CEMIP: variants seen among roughly 807,000 people sequenced by gnomAD.
The protein encoded by CEMIP is cell migration-inducing and hyaluronan-binding protein.
In CEMIP, 105 loss-of-function variants were observed where a neutral mutation model predicts 156.9. That is an observed-to-expected ratio of 0.67 (90% CI 0.57 to 0.79). CEMIP has a LOEUF of 0.79. CEMIP is among the 30% of genes least tolerant of loss of function. The probability of loss-of-function intolerance (pLI) is 0.00; values close to 1 mark genes in which losing one functional copy is unlikely to be tolerated. For missense variants in CEMIP, 1,457 were observed against 1,769.4 expected (o/e 0.82, Z 3.17); for synonymous variants, 676 against 668.4 (o/e 1.01, Z -0.17).
chr15:80,921,883 G>A (rs1237780706), intron 16 of CEMIP, 126 bp from the exon 17 acceptor site: 6 of 1,231,480 alleles, frequency 4.9e-6, no homozygotes, highest in Middle Eastern at 2.7e-4. Context: ...GGTGGGCACC[G>A]AGGGCTCCTG....
chr15:80,909,120 A>G lies in CEMIP; in HGVS notation c.1611A>G (p.Ala537=), dbSNP rs773402234. Residue 537 remains alanine, a synonymous_variant, in exon 14 of 30, where the codon GCA becomes GCG. Coordinates refer to ENST00000394685, the MANE Select transcript of CEMIP (RefSeq NM_001293298.2). The stretch of plus-strand genomic sequence containing the variant: ...AGTTTGCTCTGGGATTTAAGGCAGC[A>G]CACTTGGAGGGCACGGAGCTGAAGC... ...HIKFALGFKA[A]HLEGTELKHM... 4.5e-5 allele frequency: 73 copies of G among 1,613,986 alleles called. No homozygotes were observed. Among genetic ancestry groups the G allele is most frequent in the Non-Finnish European group, 5.8e-5 (69 of 1,180,040 alleles).
At chr15:80,834,316 C>T (rs1398227500) in intron 1 of CEMIP, among the ~76,000 whole-genome samples, 1 of 152,184 alleles carries the variant, frequency 6.6e-6, no homozygotes, top group Admixed American at 6.5e-5. Flanking sequence ...TAGTGTAGTC[C>T]AGTTACCAAT....
chr15:80,854,659 T>C (rs1897802258), intron 1 of CEMIP, among the ~76,000 whole-genome samples: 2 of 152,208 alleles, frequency 1.3e-5, no homozygotes. Context: ...ATTTTGTATA[T>C]GTTATCTCTT....
chr15:80,814,655 A>G (rs956325908), intron 1 of CEMIP, among the ~76,000 whole-genome samples: 1 of 152,178 alleles, frequency 6.6e-6, no homozygotes. Context: ...TTGGACCTCA[A>G]AGGATAGGTA....
intron 1 of CEMIP, among the ~76,000 whole-genome samples, chr15:80,840,249 A>G (rs1393674479): frequency 2.0e-5 from 3 of 152,148 alleles, no homozygotes; most frequent in Admixed American, 1.3e-4. Flanking sequence ...GGAATTCCAC[A>G]CAGAGTAGGA....
intron 1 of CEMIP, among the ~76,000 whole-genome samples, chr15:80,836,729 G>T (rs2141693185): frequency 6.6e-6 from 1 of 151,518 alleles, no homozygotes; most frequent in South Asian, 2.1e-4. Context: ...TGCTTATTAT[G>T]CAGAGAAATT....
At chr15:80,793,433 G>A (rs1896135069) in intron 1 of CEMIP, among the ~76,000 whole-genome samples, 1 of 152,232 alleles carries the variant, frequency 6.6e-6, no homozygotes, top group African/African-American at 2.4e-5. Context: ...GTGAAGGGGA[G>A]TGGTTACCAT....
At position 80,922,157 on chromosome 15, in the gene CEMIP, G is replaced by A. The variant is rs745443843; in HGVS notation, c.2202+20G>A. The A allele has an allele frequency of 6.8e-6, 11 of 1,613,750 alleles. No individual in the cohort carries two copies. Among genetic ancestry groups the A allele is most frequent in the East Asian group, 2.2e-5 (1 of 44,882 alleles). ...TACCGGGTAAGTCTTTCCAGGCTGCGCCTCTCTGGCCAGCCTCTCGGTCCC... is the reference window on the plus strand; with the variant it reads ...TACCGGGTAAGTCTTTCCAGGCTGCACCTCTCTGGCCAGCCTCTCGGTCCC... On this transcript the variant is annotated intron_variant, in intron 17 of 29. Transcript: ENST00000394685.
intron 13 of CEMIP, among the ~76,000 whole-genome samples, chr15:80,908,797 G>A (rs1041465263): frequency 3.3e-5 from 5 of 152,168 alleles, no homozygotes; most frequent in Admixed American, 6.5e-5. Context: ...GATGGTTTGG[G>A]AGACAGGAAA....
chr15:80,823,804 A>T (rs71399427), intron 1 of CEMIP, among the ~76,000 whole-genome samples: 1 of 152,224 alleles, frequency 6.6e-6, no homozygotes, highest in Non-Finnish European at 1.5e-5. Context: ...AATGATGAAT[A>T]CAAGAAAAAA....
intron 14 of CEMIP, among the ~76,000 whole-genome samples, chr15:80,913,320 C>T (rs971215761): frequency 6.6e-6 from 1 of 152,240 alleles, no homozygotes; most frequent in Non-Finnish European, 1.5e-5. Flanking sequence ...TCAACTTTTG[C>T]TCTCTCTGAG....
chr15:80,871,641 A>T (rs954788027), intron 1 of CEMIP, among the ~76,000 whole-genome samples: 6 of 152,100 alleles, frequency 3.9e-5, no homozygotes, highest in Admixed American at 1.3e-4. Flanking sequence ...ATCTTCCTTT[A>T]CCAAGGAAGG....
intron 1 of CEMIP, among the ~76,000 whole-genome samples, chr15:80,863,156 C>T (rs1898029443): frequency 6.6e-6 from 1 of 152,158 alleles, no homozygotes; most frequent in African/African-American, 2.4e-5. Flanking sequence ...GGAAAGTACT[C>T]TTTTTTTCCT....
intron 1 of CEMIP, among the ~76,000 whole-genome samples, chr15:80,800,863 G>C (rs1896358161): frequency 6.6e-6 from 1 of 152,172 alleles, no homozygotes; most frequent in Non-Finnish European, 1.5e-5. Flanking sequence ...TAAAACTGTT[G>C]ATTCAGAGGT....
At chr15:80,896,191 T>C in intron 12 of CEMIP, 131 bp downstream of exon 12, 2 of 938,750 alleles carry the variant, frequency 2.1e-6, no homozygotes, top group Non-Finnish European at 3.4e-6. Context: ...AAAAAAAATC[T>C]TAAAACTTCA....
chr15:80,895,059 G>T lies in CEMIP; in HGVS notation c.1156G>T (p.Ala386Ser). The part of the protein sequence containing the change: ...VYKKGQDYRF[A>S]CYDRGRACRS... ...CAAAAAAGGCCAGGATTATAGGTTT[G>T]CTTGCTACGACCGGGGCAGAGCCTG... The change falls in exon 11 of 30, where the codon GCT (alanine) becomes TCT (serine). Residue 386 changes from alanine (A) to serine (S), a missense_variant. Ala to Ser is a moderately conservative substitution (Grantham distance 99). This residue lies in a region of CEMIP where 280 missense variants were observed against 300.3 expected (regional missense o/e 0.93). Coordinates refer to ENST00000394685, the MANE Select transcript of CEMIP (RefSeq NM_001293298.2). 6.2e-7 allele frequency: 1 copy of T among 1,614,222 alleles called. No homozygotes were observed. Among genetic ancestry groups the T allele is most frequent in the Middle Eastern group, 1.6e-4 (1 of 6,062 alleles).
intron 6 of CEMIP, among the ~76,000 whole-genome samples, chr15:80,882,324 T>A (rs1345597876): frequency 6.6e-6 from 1 of 152,270 alleles, no homozygotes; most frequent in South Asian, 2.1e-4. Flanking sequence ...TCTGTTATTA[T>A]CTACCTTGTA....
At chr15:80,907,674 C>T (rs1899867308) in intron 13 of CEMIP, among the ~76,000 whole-genome samples, 1 of 152,186 alleles carries the variant, frequency 6.6e-6, no homozygotes, top group Non-Finnish European at 1.5e-5. Context: ...GTTCTTACCG[C>T]ACAATATAGG....
In CEMIP at chr15:80,888,790, G is replaced by A; in HGVS notation, c.958G>A (p.Val320Ile). 3 of 1,613,840 alleles carry A rather than the reference G, an allele frequency of 1.9e-6. No homozygotes were observed. Among genetic ancestry groups the A allele is most frequent in the Non-Finnish European group, 2.5e-6 (3 of 1,179,722 alleles). ...YFNVSLSSEW[V>I]QDVEWTEWFD... ...CAATGTTTCTTTGTCCAGTGAGTGG[G>A]TTCAAGGTGAGGAGTTTCAGACAAT... The change falls in exon 9 of 30, where the codon GTT (valine) becomes ATT (isoleucine). Residue 320 changes from valine to isoleucine, a missense_variant. Around this residue, in one of 5 missense-constraint regions of CEMIP, gnomAD observed 280 missense variants for 300.3 expected, o/e 0.93. Coordinates refer to ENST00000394685, the MANE Select transcript of CEMIP (RefSeq NM_001293298.2).
Sources: allele counts gnomAD v4.1 joint callset (sites outside exome capture counted in the v4.1 genomes callset), GRCh38; gene constraint gnomAD v4.1.1; regional missense constraint gnomAD v4.1.1; transcripts MANE v1.5; gene names NCBI Gene and HGNC (gene_info 2026-07-23, HGNC 2026-07-21).